Variants in TEAD1 observed in about 807,000 individuals in gnomAD.
TEAD1 encodes TEA domain transcription factor 1.
A neutral mutation model predicts 54.9 loss-of-function variants in TEAD1; 9 were observed. The observed-to-expected ratio is 0.16, with a 90% CI of 0.10 to 0.29. TEAD1 has a LOEUF of 0.29. Among genes scored for constraint, TEAD1 ranks in the 10% least tolerant of loss-of-function variants. The probability of loss-of-function intolerance (pLI) is 1.00; values close to 1 mark genes in which losing one functional copy is unlikely to be tolerated. For missense variants in TEAD1, 387 were observed against 535.9 expected (o/e 0.72, Z 2.74); for synonymous variants, 200 against 187.8 (o/e 1.07, Z -0.53).
At chr11:12,697,702 G>A (rs1747943295) in intron 2 of TEAD1, among the ~76,000 whole-genome samples, 1 of 152,194 alleles carries the variant, frequency 6.6e-6, no homozygotes, top group Non-Finnish European at 1.5e-5. Context: ...GAGGGGTACA[G>A]TGAAAGAAGG....
chr11:12,834,062 A>G (rs1387706936), intron 3 of TEAD1, among the ~76,000 whole-genome samples: 1 of 152,240 alleles, frequency 6.6e-6, no homozygotes, highest in African/African-American at 2.4e-5. Flanking sequence ...TGAATCCGAG[A>G]GAGATGACTT....
At chr11:12,691,918 AAAATAGAATGTATTTAATGTCCT>A (rs1943465674) in intron 2 of TEAD1, among the ~76,000 whole-genome samples, 2 of 152,210 alleles carry the variant, frequency 1.3e-5, no homozygotes, top group Non-Finnish European at 2.9e-5. Context: ...CAAAGTGTTT[AAAATAGAATGTATTTAATGTCCT>A]AGTCATTTAA....
At chr11:12,752,213 GTTTT>G (rs35143229) in intron 2 of TEAD1, among the ~76,000 whole-genome samples, 2 of 101,034 alleles carry the variant, frequency 2.0e-5, no homozygotes, top group African/African-American at 7.4e-5. Flanking sequence ...AAACAGGGCA[GTTTT>G]TTTTTTTTTT....
intron 2 of TEAD1, among the ~76,000 whole-genome samples, chr11:12,745,235 G>A (rs79976893): frequency 0.032 from 4,898 of 152,294 alleles, 282 homozygotes; most frequent in African/African-American, 0.11. Context: ...TCTTTTAGCA[G>A]TGTCAATGCT....
At chr11:12,817,792 C>G (rs1946446805) in intron 3 of TEAD1, among the ~76,000 whole-genome samples, 1 of 152,148 alleles carries the variant, frequency 6.6e-6, no homozygotes, top group African/African-American at 2.4e-5. Context: ...AAAGGGAGTT[C>G]AGGGTTGACT....
At chr11:12,905,595 A>C (rs1195458658) in intron 10 of TEAD1, among the ~76,000 whole-genome samples, 1 of 152,246 alleles carries the variant, frequency 6.6e-6, no homozygotes, top group Non-Finnish European at 1.5e-5. Flanking sequence ...TTACATTTAG[A>C]ATATCTATCC....
At chr11:12,787,200 T>A (rs1419999613) in intron 3 of TEAD1, among the ~76,000 whole-genome samples, 8 of 152,218 alleles carry the variant, frequency 5.3e-5, no homozygotes, top group Admixed American at 5.2e-4. Context: ...GCCATGGGAT[T>A]TGAGACCTGC....
At position 12,683,499 on chromosome 11, in the gene TEAD1, C is replaced by T. The variant is rs111673951; in HGVS notation, c.-55+7938C>T. 3.7e-3 allele frequency among the ~76,000 whole-genome samples: 570 copies of T among 152,028 alleles called. 2 individuals are homozygous for T. Among genetic ancestry groups the T allele is most frequent in the African/African-American group, 0.013 (541 of 41,350 alleles). ...CTCACTGGGGTAAGCCCTCATGATA[C>T]ATCCGAAGAGCTGTGTTGCCCTGTG... On this transcript the variant is annotated intron_variant, in intron 2 of 12. Transcript: ENST00000527636.
chr11:12,691,449 C>T (rs894932585), intron 2 of TEAD1, among the ~76,000 whole-genome samples: 5 of 152,154 alleles, frequency 3.3e-5, no homozygotes, highest in African/African-American at 9.7e-5. Context: ...CCTCCCACTC[C>T]TTCAGTTGAA....
intron 3 of TEAD1, among the ~76,000 whole-genome samples, chr11:12,773,318 T>C (rs893589705): frequency 1.3e-5 from 2 of 152,232 alleles, no homozygotes; most frequent in African/African-American, 4.8e-5. Flanking sequence ...TCATATGGTA[T>C]TTGTACATTC....
chr11:12,728,620 G>A (rs1423376690), intron 2 of TEAD1, among the ~76,000 whole-genome samples: 4 of 152,314 alleles, frequency 2.6e-5, no homozygotes, highest in South Asian at 2.1e-4. Context: ...TGTAATAGCG[G>A]CAGATAAATA....
intron 3 of TEAD1, among the ~76,000 whole-genome samples, chr11:12,773,037 C>A (rs957681822): frequency 6.6e-6 from 1 of 152,110 alleles, no homozygotes; most frequent in African/African-American, 2.4e-5. Context: ...CTACATGAAC[C>A]TTTTGGGATT....
chr11:12,778,654 C>T (rs932369169), intron 3 of TEAD1, among the ~76,000 whole-genome samples: 2 of 151,554 alleles, frequency 1.3e-5, no homozygotes. Context: ...CCCTGGCACA[C>T]ATTAGGCCCC....
intron 2 of TEAD1, among the ~76,000 whole-genome samples, chr11:12,693,608 G>A (rs529488610): frequency 6.6e-6 from 1 of 152,292 alleles, no homozygotes; most frequent in South Asian, 2.1e-4. Flanking sequence ...CTTTGATGAC[G>A]GCTTCCCATG....
chr11:12,738,120 A>G (rs1439803671), intron 2 of TEAD1, among the ~76,000 whole-genome samples: 2 of 152,182 alleles, frequency 1.3e-5, no homozygotes, highest in African/African-American at 2.4e-5. Flanking sequence ...TGTGGGAATT[A>G]TGGGAGCTAC....
At chr11:12,802,332 TAA>T (rs1946076249) in intron 3 of TEAD1, among the ~76,000 whole-genome samples, 2 of 152,166 alleles carry the variant, frequency 1.3e-5, no homozygotes, top group South Asian at 4.1e-4. Flanking sequence ...AAATATGGAA[TAA>T]TGATGGGTTT....
chr11:12,827,457 G>A (rs1316390284), intron 3 of TEAD1, among the ~76,000 whole-genome samples: 1 of 152,190 alleles, frequency 6.6e-6, no homozygotes, highest in Non-Finnish European at 1.5e-5. Context: ...CTTGGGGTGG[G>A]TGTGTTGGTG....
intron 3 of TEAD1, among the ~76,000 whole-genome samples, chr11:12,840,247 AAAAAAAAAAAAAAAAG>A (rs901363244): frequency 1.3e-4 from 3 of 23,662 alleles, no homozygotes; most frequent in African/African-American, 2.6e-4. Flanking sequence ...ACTCTGCCTC[AAAAAAAAAAAAAAAAG>A]AAAAAAAAAA....
In TEAD1 at chr11:12,752,411, G is replaced by A. The variant is rs958671436; in HGVS notation, c.-54-11768G>A. On this transcript the variant is annotated intron_variant, in intron 2 of 12. Transcript: ENST00000527636. ...ACCAGAACCTCCTAAGCCTCCCCAC[G>A]CTGCCTTCCAGTCAGTACTCCCAAC... 4.6e-5 allele frequency among the ~76,000 whole-genome samples: 7 copies of A among 151,914 alleles called. No individual in the cohort carries two copies. In the South Asian group the frequency reaches 8.3e-4, roughly 18 times the overall value.
Sources: gnomAD v4.1 joint callset for allele counts (sites outside exome capture counted in the v4.1 genomes callset) on GRCh38, gnomAD v4.1.1 for gene constraint, MANE v1.5 for transcripts, NCBI Gene and HGNC (gene_info 2026-07-23, HGNC 2026-07-21) for gene names.